Variants in ABL2 observed in about 807,000 individuals in gnomAD.
ABL2 encodes ABL proto-oncogene 2, non-receptor tyrosine kinase, also known as tyrosine-protein kinase ABL2.
ABL2 carries 49 observed loss-of-function variants against 107.7 expected under a neutral mutation model. The observed-to-expected ratio is 0.45, with a 90% CI of 0.36 to 0.58. The LOEUF is 0.58. Ranked by LOEUF, ABL2 falls within the 20% of genes least tolerant of loss-of-function variation. The probability of loss-of-function intolerance (pLI) is 0.00; values close to 1 mark genes in which losing one functional copy is unlikely to be tolerated. For synonymous variants in ABL2, 549 were observed against 548.6 expected, an observed-to-expected ratio of 1.00 and a Z score of -0.01; for missense variants, 1,245 against 1,457.0, an observed-to-expected ratio of 0.85 and a Z score of 2.37.
chr1:179,229,167 T>TACCCCCCCCCCCC, intron 1 of ABL2, 74 bp downstream of exon 1: 2 of 402,570 alleles, frequency 5.0e-6, no homozygotes, highest in Non-Finnish European at 9.3e-6. Context: ...GGGCAGCCCG[T>TACCCCCCCCCCCC]CCGCCACCCA....
At chr1:179,130,697 T>C (rs1394858537) in intron 3 of ABL2, among the ~76,000 whole-genome samples, 2 of 151,352 alleles carry the variant, frequency 1.3e-5, no homozygotes, top group Non-Finnish European at 2.9e-5. Context: ...ATTAAGAACA[T>C]GACCAAATAA....
chr1:179,158,602 C>A (rs565397689), intron 1 of ABL2, among the ~76,000 whole-genome samples: 1 of 152,130 alleles, frequency 6.6e-6, no homozygotes, highest in African/African-American at 2.4e-5. Flanking sequence ...CAGTGACTAA[C>A]GTAAGTCCTT....
chr1:179,212,876 G>A (rs1291929617), intron 1 of ABL2, among the ~76,000 whole-genome samples: 3 of 151,406 alleles, frequency 2.0e-5, no homozygotes, highest in African/African-American at 4.8e-5. Context: ...GAGAAACCCT[G>A]TCTCTACTAA....
At chr1:179,121,978 T>G in intron 4 of ABL2, 111 bp from the exon 5 acceptor site, 4 of 1,072,958 alleles carry the variant, frequency 3.7e-6, no homozygotes, top group Non-Finnish European at 5.1e-6. Flanking sequence ...CAGGCTGGAG[T>G]GCACTGGCGC....
At chr1:179,145,230 T>C (rs1402946021) in intron 1 of ABL2, among the ~76,000 whole-genome samples, 1 of 152,172 alleles carries the variant, frequency 6.6e-6, no homozygotes, top group Non-Finnish European at 1.5e-5. Flanking sequence ...GTTCTGCAAA[T>C]GGATGGCTAT....
intron 1 of ABL2, among the ~76,000 whole-genome samples, chr1:179,220,283 G>C (rs1662799911): frequency 6.6e-6 from 1 of 152,120 alleles, no homozygotes; most frequent in Non-Finnish European, 1.5e-5. Context: ...AGACATAAAA[G>C]GTCTTCTTCA....
chr1:179,108,009 T>C lies in ABL2; in HGVS notation c.3258A>G (p.Lys1086=), dbSNP rs1653611338. 1.9e-6 allele frequency: 3 copies of C among 1,614,222 alleles called. No individual in the cohort carries two copies. Among genetic ancestry groups the C allele is most frequent in the Non-Finnish European group, 1.7e-6 (2 of 1,180,038 alleles). The change falls in exon 12 of 12, where the codon AAA becomes AAG. Residue 1086 remains lysine, a synonymous_variant. Transcript: ENST00000502732. ...AEKISADKIS[K]EALLECADLL... ...GGTCAGCACATTCCAGCAGGGCCTC[T>C]TTGCTGATTTTGTCTGCTGAGATTT...
intron 1 of ABL2, among the ~76,000 whole-genome samples, chr1:179,192,424 G>T (rs538497355): frequency 1.3e-5 from 2 of 152,230 alleles, no homozygotes; most frequent in South Asian, 4.1e-4. Flanking sequence ...ACTCAAGCTC[G>T]AATTACAACA....
At chr1:179,227,311 CA>C (rs1663271822) in intron 1 of ABL2, among the ~76,000 whole-genome samples, 1 of 152,166 alleles carries the variant, frequency 6.6e-6, no homozygotes, top group African/African-American at 2.4e-5. Flanking sequence ...TTGACTCTTC[CA>C]ATTTTTGCTC....
intron 3 of ABL2, among the ~76,000 whole-genome samples, chr1:179,127,624 A>G (rs986167415): frequency 1.3e-5 from 2 of 152,240 alleles, no homozygotes; most frequent in Admixed American, 1.3e-4. Context: ...ATGCTAATCT[A>G]AAGAATCCTT....
In ABL2 at chr1:179,102,557, A is replaced by G. The variant is rs1394809793; in HGVS notation, c.*5161T>C. On this transcript the variant is annotated 3_prime_UTR_variant, in exon 12 of 12. Coordinates refer to ENST00000502732, the MANE Select transcript of ABL2 (RefSeq NM_007314.4). ...CACCTACAAAAAGAGGATTGGTCAT[A>G]GCAGATCCTTAGGGCACAGAGATGA... 3 of 227,652 alleles carry G rather than the reference A, an allele frequency of 1.3e-5. No homozygotes were observed. Among genetic ancestry groups the G allele is most frequent in the Non-Finnish European group, 2.6e-5 (3 of 114,610 alleles). 14.1% of individuals were successfully genotyped at this position (227,652 alleles called of 1,614,324 possible). A position where few individuals can be genotyped will look rare whatever the true frequency, so the allele number is the denominator to read the frequency against.
chr1:179,173,916 T>C (rs374478325), intron 1 of ABL2, among the ~76,000 whole-genome samples: 7 of 150,588 alleles, frequency 4.6e-5, no homozygotes, highest in African/African-American at 1.7e-4. Flanking sequence ...AACATAAAAA[T>C]TTTTTAAAGG....
chr1:179,216,177 C>G (rs971069149), intron 1 of ABL2, among the ~76,000 whole-genome samples: 1 of 152,146 alleles, frequency 6.6e-6, no homozygotes, highest in Non-Finnish European at 1.5e-5. Context: ...ACGGCAGAAT[C>G]AGCACATTTA....
chr1:179,225,826 G>C (rs1466115841), intron 1 of ABL2, among the ~76,000 whole-genome samples: 1 of 152,020 alleles, frequency 6.6e-6, no homozygotes, highest in Non-Finnish European at 1.5e-5. Flanking sequence ...CGGATCATGA[G>C]GTCAGGAGAT....
chr1:179,180,545 G>A (rs1431844536), intron 1 of ABL2, among the ~76,000 whole-genome samples: 3 of 152,150 alleles, frequency 2.0e-5, no homozygotes, highest in Admixed American at 1.3e-4. Flanking sequence ...GGAATAAAAA[G>A]GTCCAGTACC....
intron 1 of ABL2, among the ~76,000 whole-genome samples, chr1:179,210,514 A>AG (rs1262119064): frequency 6.6e-6 from 1 of 150,964 alleles, no homozygotes; most frequent in Non-Finnish European, 1.5e-5. Flanking sequence ...AAAAAAAAAA[A>AG]AAAAGAAAAA....
chr1:179,225,276 T>C (rs1663127596), intron 1 of ABL2, among the ~76,000 whole-genome samples: 1 of 152,218 alleles, frequency 6.6e-6, no homozygotes, highest in Non-Finnish European at 1.5e-5. Flanking sequence ...CCATAATGTA[T>C]GTACCTTTTT....
chr1:179,174,367 G>T (rs1238273444), intron 1 of ABL2, among the ~76,000 whole-genome samples: 1 of 151,740 alleles, frequency 6.6e-6, no homozygotes, highest in African/African-American at 2.4e-5. Flanking sequence ...CCAGCACTTT[G>T]GGAGGCCAAG....
intron 9 of ABL2, among the ~76,000 whole-genome samples, 169 bp downstream of exon 9, chr1:179,114,709 G>A (rs1654449235): frequency 6.6e-6 from 1 of 152,142 alleles, no homozygotes; most frequent in Non-Finnish European, 1.5e-5. Context: ...ATTCCAATAA[G>A]ATTCAATGGT....
Sources: gnomAD v4.1 joint callset for allele counts (sites outside exome capture counted in the v4.1 genomes callset) on GRCh38, gnomAD v4.1.1 for gene constraint, MANE v1.5 for transcripts, NCBI Gene and HGNC (gene_info 2026-07-23, HGNC 2026-07-21) for gene names.